NOS1AP: variants seen among roughly 807,000 people sequenced by gnomAD.
NOS1AP encodes carboxyl-terminal PDZ ligand of neuronal nitric oxide synthase protein.
In NOS1AP, 21 loss-of-function variants were observed where a neutral mutation model predicts 56.2. The ratio of observed to expected loss-of-function variants is 0.37; its 90% CI spans 0.26 to 0.54. The LOEUF (loss-of-function observed/expected upper bound fraction) is 0.54. Among genes scored for constraint, NOS1AP ranks in the 20% least tolerant of loss-of-function variants. The probability of loss-of-function intolerance (pLI) is 0.84; values close to 1 mark genes in which losing one functional copy is unlikely to be tolerated. For synonymous variants in NOS1AP, 270 were observed against 274.6 expected, an observed-to-expected ratio of 0.98 and a Z score of 0.17; for missense variants, 522 against 657.8, an observed-to-expected ratio of 0.79 and a Z score of 2.26.
chr1:162,182,854 C>G (rs116288091), intron 2 of NOS1AP, among the ~76,000 whole-genome samples: 5,355 of 152,256 alleles, frequency 0.035, 135 homozygotes, highest in Non-Finnish European at 0.049. Flanking sequence ...CAGTTACTTC[C>G]TCCACTGGAG....
chr1:162,107,564 G>A (rs774859654), intron 1 of NOS1AP, among the ~76,000 whole-genome samples: 2 of 152,138 alleles, frequency 1.3e-5, no homozygotes, highest in South Asian at 2.1e-4. Flanking sequence ...GGCTGGTCTC[G>A]AGCTCCTGGC....
At chr1:162,276,265 T>G (rs1039873368) in intron 2 of NOS1AP, among the ~76,000 whole-genome samples, 3 of 152,160 alleles carry the variant, frequency 2.0e-5, no homozygotes, top group Non-Finnish European at 1.5e-5. Flanking sequence ...CCCAAGTTCA[T>G]TTGTTGTCAT....
chr1:162,078,905 A>T (rs551668899), intron 1 of NOS1AP, among the ~76,000 whole-genome samples: 3 of 151,838 alleles, frequency 2.0e-5, no homozygotes, highest in Non-Finnish European at 4.4e-5. Flanking sequence ...GTCCTGTCCA[A>T]TTTTCATCCC....
At position 162,171,010 on chromosome 1, in the gene NOS1AP, C is replaced by T. The variant is rs538022968; in HGVS notation, c.177+16534C>T. ...AGCTAAACGGGTGGAGCTCATCCTG[C>T]AGGGAGGCTTGGGGTTCATGCTTTT... On this transcript the variant is annotated intron_variant, in intron 2 of 9. Transcript: ENST00000361897. Among the ~76,000 whole-genome samples the T allele has an allele frequency of 2.6e-5, 4 of 151,770 alleles. No homozygotes were observed. In the East Asian group the frequency reaches 7.7e-4, roughly 29 times the overall value.
At chr1:162,285,667 G>A (rs1254776549) in intron 2 of NOS1AP, among the ~76,000 whole-genome samples, 3 of 152,016 alleles carry the variant, frequency 2.0e-5, no homozygotes, top group African/African-American at 4.8e-5. Context: ...TCTGCCTCCC[G>A]TTTCCCCTTT....
intron 8 of NOS1AP, among the ~76,000 whole-genome samples, chr1:162,358,215 G>T (rs568486836): frequency 4.6e-5 from 7 of 152,268 alleles, no homozygotes; most frequent in African/African-American, 1.4e-4. Context: ...CTCTTGAGTG[G>T]ACTGAATCAT....
At chr1:162,101,732 C>G (rs1647279905) in intron 1 of NOS1AP, among the ~76,000 whole-genome samples, 1 of 152,056 alleles carries the variant, frequency 6.6e-6, no homozygotes, top group South Asian at 2.1e-4. Flanking sequence ...CATGATTTGG[C>G]TCTCTGCTTG....
chr1:162,106,032 G>T (rs116375321), intron 1 of NOS1AP, among the ~76,000 whole-genome samples: 3 of 152,186 alleles, frequency 2.0e-5, no homozygotes, highest in African/African-American at 7.2e-5. Flanking sequence ...CTGGGTCTCT[G>T]TGTGTGGCTG....
chr1:162,087,567 C>T (rs1412156058), intron 1 of NOS1AP, among the ~76,000 whole-genome samples: 1 of 152,144 alleles, frequency 6.6e-6, no homozygotes, highest in African/African-American at 2.4e-5. Context: ...CTTCAGTCCC[C>T]CTCATCTGTA....
chr1:162,196,955 A>C (rs17423861), intron 2 of NOS1AP, among the ~76,000 whole-genome samples: 5,239 of 151,512 alleles, frequency 0.035, 132 homozygotes, highest in Non-Finnish European at 0.049. Flanking sequence ...GTAGCATTTC[A>C]TTTTCCAGCT....
rs190914084 is a variant in NOS1AP, at chr1:162,344,688, G to A, written c.595+712G>A. Among the ~76,000 whole-genome samples the A allele has an allele frequency of 6.1e-3, 901 of 146,528 alleles. 7 individuals carry two copies. Among genetic ancestry groups the A allele is most frequent in the Non-Finnish European group, 9.5e-3 (642 of 67,252 alleles). On this transcript the variant is annotated intron_variant, in intron 6 of 9. Transcript: ENST00000361897. ...ATTGTGCCACCGCACTCCAGCTTGGGCTACAGAGCTAGGCTGCCTCAAAAA... is the reference window on the plus strand; with the variant it reads ...ATTGTGCCACCGCACTCCAGCTTGGACTACAGAGCTAGGCTGCCTCAAAAA...
chr1:162,076,492 A>G (rs181868848), intron 1 of NOS1AP, among the ~76,000 whole-genome samples: 46 of 152,326 alleles, frequency 3.0e-4, no homozygotes, highest in Non-Finnish European at 4.4e-5. Context: ...TTTAAAATGT[A>G]TAATTTAGTG....
chr1:162,368,783 G>C lies in NOS1AP; in HGVS notation c.*1316G>C, dbSNP rs1367809945. On this transcript the variant is annotated 3_prime_UTR_variant, in exon 10 of 10. Coordinates refer to ENST00000361897, the MANE Select transcript of NOS1AP (RefSeq NM_014697.3). ...CTGAAGAGATTGCTGAGACCTGCTA[G>C]AGTCATATGTTCGGGGAATTAAGTC... 3 of 152,252 alleles carry C rather than the reference G, an allele frequency of 2.0e-5. No individual in the cohort carries two copies. Among genetic ancestry groups the C allele is most frequent in the African/African-American group, 7.2e-5 (3 of 41,464 alleles). The allele number at this position is 152,252 out of a possible 1,614,324, so 9.4% of individuals were successfully genotyped here. A position where few individuals can be genotyped will look rare whatever the true frequency, so the allele number is the denominator to read the frequency against.
chr1:162,211,237 A>G (rs1464230221), intron 2 of NOS1AP, among the ~76,000 whole-genome samples: 1 of 152,222 alleles, frequency 6.6e-6, no homozygotes, highest in African/African-American at 2.4e-5. Context: ...TTTATTTTTC[A>G]CAGTTCTGGA....
At chr1:162,250,951 G>A (rs1340542488) in intron 2 of NOS1AP, among the ~76,000 whole-genome samples, 4 of 152,000 alleles carry the variant, frequency 2.6e-5, no homozygotes, top group Non-Finnish European at 5.9e-5. Flanking sequence ...TTCCTCTCTG[G>A]ATCACTTGCT....
chr1:162,189,776 G>C (rs1383303783), intron 2 of NOS1AP, among the ~76,000 whole-genome samples: 1 of 152,202 alleles, frequency 6.6e-6, no homozygotes, highest in Non-Finnish European at 1.5e-5. Context: ...TTCTGGGGAA[G>C]GCCAGGTGGG....
intron 2 of NOS1AP, among the ~76,000 whole-genome samples, chr1:162,271,610 G>A (rs1215326683): frequency 2.0e-5 from 3 of 152,356 alleles, no homozygotes; most frequent in East Asian, 3.9e-4. Context: ...CTCAGAGCAT[G>A]AGCTTAGCTC....
At chr1:162,215,107 G>A (rs1652520471) in intron 2 of NOS1AP, among the ~76,000 whole-genome samples, 1 of 152,188 alleles carries the variant, frequency 6.6e-6, no homozygotes, top group South Asian at 2.1e-4. Flanking sequence ...AGCATGCTTG[G>A]GAGGGATCTC....
At chr1:162,242,660 G>A (rs1653523867) in intron 2 of NOS1AP, among the ~76,000 whole-genome samples, 1 of 152,158 alleles carries the variant, frequency 6.6e-6, no homozygotes, top group South Asian at 2.1e-4. Context: ...ACCCACAAGA[G>A]TCTGAGTAAA....
Sources: gnomAD v4.1 joint callset for allele counts (sites outside exome capture counted in the v4.1 genomes callset) on GRCh38, gnomAD v4.1.1 for gene constraint, MANE v1.5 for transcripts, NCBI Gene and HGNC (gene_info 2026-07-23, HGNC 2026-07-21) for gene names.